ENTHD1: variants seen among roughly 807,000 people sequenced by gnomAD.
ENTHD1 encodes ENTH domain containing 1, also known as ENTH domain-containing protein 1.
A neutral mutation model predicts 39.1 loss-of-function variants in ENTHD1; 23 were observed. The observed-to-expected ratio is 0.59, with a 90% CI of 0.42 to 0.83. ENTHD1 has a LOEUF of 0.83. Ranked by LOEUF, ENTHD1 falls within the 40% of genes least tolerant of loss-of-function variation. The pLI, the probability that ENTHD1 is intolerant of heterozygous loss-of-function variation, is 0.00. For synonymous variants in ENTHD1, 230 were observed against 258.2 expected (o/e 0.89, Z 1.05); for missense variants, 624 against 705.4 (o/e 0.88, Z 1.31).
intron 3 of ENTHD1, among the ~76,000 whole-genome samples, chr22:39,854,326 G>A (rs1419193626): frequency 2.6e-5 from 4 of 152,156 alleles, no homozygotes; most frequent in African/African-American, 9.7e-5. Flanking sequence ...AGTTTTCAGG[G>A]AAATTTTTCC....
chr22:39,756,316 T>TCTCTCTCTCACA (rs1433242336), intron 6 of ENTHD1, among the ~76,000 whole-genome samples: 1 of 138,012 alleles, frequency 7.2e-6, no homozygotes, highest in Non-Finnish European at 1.6e-5. Flanking sequence ...TCTCTCTCTC[T>TCTCTCTCTCACA]CACACACACA....
At chr22:39,744,339 A>G in intron 6 of ENTHD1, 56 bp from the exon 7 acceptor site, 1 of 1,455,660 alleles carries the variant, frequency 6.9e-7, no homozygotes, top group South Asian at 1.4e-5. Context: ...TGAGAGTAAT[A>G]GCTAAAATAA....
At chr22:39,807,131 A>C (rs2065648267) in intron 5 of ENTHD1, among the ~76,000 whole-genome samples, 1 of 152,156 alleles carries the variant, frequency 6.6e-6, no homozygotes, top group African/African-American at 2.4e-5. Flanking sequence ...GAATGTCCTA[A>C]GTCTCTAATT....
chr22:39,765,176 T>TTTTGTG (rs1555922442), intron 6 of ENTHD1, 47 bp downstream of exon 6: 2 of 991,776 alleles, frequency 2.0e-6, no homozygotes, highest in African/African-American at 3.3e-5. Flanking sequence ...AGGTTTTTTG[T>TTTTGTG]TGTGTGTGTG....
chr22:39,772,148 G>A (rs776394447), intron 5 of ENTHD1, among the ~76,000 whole-genome samples: 6 of 152,168 alleles, frequency 3.9e-5, no homozygotes, highest in Non-Finnish European at 7.4e-5. Flanking sequence ...GTTTGGGGAT[G>A]AAACTGTTTT....
At chr22:39,832,642 C>T (rs1040775457) in intron 4 of ENTHD1, among the ~76,000 whole-genome samples, 1 of 152,174 alleles carries the variant, frequency 6.6e-6, no homozygotes, top group African/African-American at 2.4e-5. Context: ...TCGCAGAACA[C>T]TGCAGAAAGA....
chr22:39,821,525 C>T (rs1472329950), intron 4 of ENTHD1, among the ~76,000 whole-genome samples: 1 of 152,144 alleles, frequency 6.6e-6, no homozygotes, highest in African/African-American at 2.4e-5. Flanking sequence ...ATAATCAATC[C>T]AATCATGCAG....
At chr22:39,790,076 A>G (rs2065491980) in intron 5 of ENTHD1, among the ~76,000 whole-genome samples, 1 of 152,094 alleles carries the variant, frequency 6.6e-6, no homozygotes, top group Non-Finnish European at 1.5e-5. Flanking sequence ...GCTGTGGCTG[A>G]ATGTGCAGAA....
At chr22:39,787,383 A>G in intron 5 of ENTHD1, among the ~76,000 whole-genome samples, 1 of 152,154 alleles carries the variant, frequency 6.6e-6, no homozygotes, top group East Asian at 1.9e-4. Context: ...TGTGTTTCTT[A>G]GGTTAAATTA....
At chr22:39,763,717 A>G (rs987581818) in intron 6 of ENTHD1, among the ~76,000 whole-genome samples, 11 of 152,172 alleles carry the variant, frequency 7.2e-5, no homozygotes, top group African/African-American at 2.7e-4. Flanking sequence ...AATTAGATCA[A>G]TACTATCTAT....
In ENTHD1 at chr22:39,744,188, G is replaced by A. The variant is rs529502860; in HGVS notation, c.1315C>T (p.Pro439Ser). Reference sequence around the variant, plus strand: ...CAGAAGGAAGGTCCGGCCAGAATTGGTGATAAGAGATGAGCTGACTTCTCT... The same window carrying A: ...CAGAAGGAAGGTCCGGCCAGAATTGATGATAAGAGATGAGCTGACTTCTCT... ...SPEKSAHLLS[P>S]ILAGPSFWTL... is the part of the protein sequence containing the mutation. The change falls in exon 7 of 7, where the codon CCA (proline) becomes TCA (serine). Residue 439 changes from proline (P) to serine (S), a missense_variant. Pro to Ser is a moderately conservative substitution (Grantham distance 74). Transcript: ENST00000325157. 5 of 1,614,016 alleles carry A rather than the reference G, an allele frequency of 3.1e-6. No individual in the cohort carries two copies. The highest frequency in any genetic ancestry group is 4.2e-6 in the Non-Finnish European group (5 of 1,180,002).
intron 6 of ENTHD1, among the ~76,000 whole-genome samples, chr22:39,744,928 G>A (rs2065091773): frequency 6.6e-6 from 1 of 151,658 alleles, no homozygotes; most frequent in African/African-American, 2.4e-5. Flanking sequence ...TACATATTTG[G>A]GAAAGTTTTT....
intron 4 of ENTHD1, among the ~76,000 whole-genome samples, chr22:39,835,422 A>G (rs2065901484): frequency 6.6e-6 from 1 of 152,174 alleles, no homozygotes; most frequent in Non-Finnish European, 1.5e-5. Flanking sequence ...GAAAAATTCT[A>G]GAGGACATAA....
At chr22:39,853,855 A>C (rs898381630) in intron 3 of ENTHD1, among the ~76,000 whole-genome samples, 33 of 152,218 alleles carry the variant, frequency 2.2e-4, no homozygotes, top group African/African-American at 7.2e-4. Flanking sequence ...GATTGCAGGC[A>C]TGAGCCACTG....
intron 5 of ENTHD1, among the ~76,000 whole-genome samples, chr22:39,771,203 T>C (rs1178082846): frequency 6.6e-6 from 1 of 152,114 alleles, no homozygotes; most frequent in African/African-American, 2.4e-5. Flanking sequence ...CCTCTGTAGA[T>C]AACAGCCAGA....
At chr22:39,863,236 C>T (rs1601651983) in intron 2 of ENTHD1, among the ~76,000 whole-genome samples, 1 of 152,284 alleles carries the variant, frequency 6.6e-6, no homozygotes, top group African/African-American at 2.4e-5. Context: ...GGCAGGCAAA[C>T]AGATGGCATA....
At chr22:39,760,549 T>C (rs2065224953) in intron 6 of ENTHD1, among the ~76,000 whole-genome samples, 1 of 152,048 alleles carries the variant, frequency 6.6e-6, no homozygotes, top group South Asian at 2.1e-4. Flanking sequence ...AGCATATAGT[T>C]GACTCTTGCT....
intron 2 of ENTHD1, chr22:39,875,520 G>T: frequency 1.2e-6 from 2 of 1,604,698 alleles, no homozygotes; most frequent in Non-Finnish European, 1.7e-6. Context: ...GCTTCTGTTT[G>T]TTATTCCCAC....
chr22:39,880,308 C>G (rs557361178), intron 2 of ENTHD1, among the ~76,000 whole-genome samples: 1 of 152,136 alleles, frequency 6.6e-6, no homozygotes, highest in East Asian at 1.9e-4. Context: ...AAGATCAATG[C>G]TTGCAGGGGC....
Sources: allele counts gnomAD v4.1 joint callset (sites outside exome capture counted in the v4.1 genomes callset), GRCh38; gene constraint gnomAD v4.1.1; transcripts MANE v1.5; gene names NCBI Gene and HGNC (gene_info 2026-07-23, HGNC 2026-07-21).